Variants in RALGPS2 observed in about 807,000 individuals in gnomAD.
RALGPS2 encodes ras-specific guanine nucleotide-releasing factor RalGPS2.
In RALGPS2, 43 loss-of-function variants were observed where a neutral mutation model predicts 86.8. The ratio of observed to expected loss-of-function variants is 0.50; its 90% CI spans 0.39 to 0.64. The LOEUF is 0.64. Ranked by LOEUF, RALGPS2 falls within the 30% of genes least tolerant of loss-of-function variation. RALGPS2 has a pLI of 0.00. For missense variants in RALGPS2, 536 were observed against 694.6 expected, an observed-to-expected ratio of 0.77 and a Z score of 2.57; for synonymous variants, 243 against 231.3, an observed-to-expected ratio of 1.05 and a Z score of -0.46.
chr1:178,729,086 G>A (rs1650193138), intron 1 of RALGPS2, among the ~76,000 whole-genome samples: 2 of 152,238 alleles, frequency 1.3e-5, no homozygotes, highest in South Asian at 2.1e-4. Flanking sequence ...GCTTTGGAGT[G>A]TGAAAGACTT....
intron 8 of RALGPS2, among the ~76,000 whole-genome samples, chr1:178,837,960 A>AGGCGGCAGCGAGGCTGGGGAAGG (rs542590136): frequency 5.3e-4 from 80 of 152,280 alleles, no homozygotes; most frequent in African/African-American, 1.8e-3. Flanking sequence ...TCGAATTGCA[A>AGGCGGCAGCGAGGCTGGGGAAGG]GGCGGCAGCG....
intron 6 of RALGPS2, 25 bp from the exon 7 acceptor site, chr1:178,821,587 C>A: frequency 6.4e-7 from 1 of 1,569,484 alleles, no homozygotes. Flanking sequence ...TCATCCCTCT[C>A]CCCCATTTTT....
chr1:178,865,763 G>T (rs1167939724), intron 8 of RALGPS2: 1 of 1,582,116 alleles, frequency 6.3e-7, no homozygotes. Flanking sequence ...TAGGGTCCAG[G>T]TAAAAGTCTT....
Position 178,878,901 on chromosome 1 carries a change from G to A in RALGPS2, c.746-1G>A. 6.2e-7 allele frequency: 1 copy of A among 1,611,726 alleles called. No individual in the cohort carries two copies. The highest frequency in any genetic ancestry group is 8.5e-7 in the Non-Finnish European group (1 of 1,179,118). On this transcript the variant is annotated splice_acceptor_variant, in intron 9 of 19. Coordinates refer to ENST00000367635, the MANE Select transcript of RALGPS2 (RefSeq NM_152663.5). LOFTEE classifies it high-confidence loss of function. ...ATAATTATTTATCACCTTTTGCCTA[G>A]ATATTCCCATGTTGCCTCATGTCCA...
chr1:178,861,959 G>A (rs1452546347), intron 8 of RALGPS2, among the ~76,000 whole-genome samples: 2 of 151,760 alleles, frequency 1.3e-5, no homozygotes, highest in South Asian at 2.1e-4. Flanking sequence ...TGCAACCTCC[G>A]CCCCCCAGGT....
intron 5 of RALGPS2, among the ~76,000 whole-genome samples, chr1:178,809,545 A>G (rs887514099): frequency 6.6e-6 from 1 of 152,156 alleles, no homozygotes; most frequent in African/African-American, 2.4e-5. Context: ...ACAGTTTGTT[A>G]TATGTAACCC....
intron 4 of RALGPS2, among the ~76,000 whole-genome samples, chr1:178,807,001 C>T (rs935130847): frequency 6.6e-6 from 1 of 152,198 alleles, no homozygotes; most frequent in Non-Finnish European, 1.5e-5. Context: ...ACATGTGCTT[C>T]TTTGCCCTTA....
chr1:178,871,601 T>C (rs1658763833), intron 8 of RALGPS2, among the ~76,000 whole-genome samples: 1 of 152,218 alleles, frequency 6.6e-6, no homozygotes, highest in African/African-American at 2.4e-5. Flanking sequence ...GTGTAATGTG[T>C]CTTAAGATAA....
Position 178,757,057 on chromosome 1 carries a change from G to A in RALGPS2, c.-83-19625G>A, listed in dbSNP as rs148719109. On this transcript the variant is annotated intron_variant, in intron 1 of 19. Coordinates refer to ENST00000367635, the MANE Select transcript of RALGPS2 (RefSeq NM_152663.5). ...ATGTATTCCTAGGTATTTTGTTGTT[G>A]TTGATTCTATTGTAAATGGAATTGT... Among the ~76,000 whole-genome samples the A allele has an allele frequency of 5.9e-5, 9 of 152,116 alleles. No individual in the cohort carries two copies. In the East Asian group the frequency reaches 7.7e-4, roughly 13 times the overall value.
At chr1:178,865,775 A>G (rs779478305) in intron 8 of RALGPS2, 10 of 1,572,244 alleles carry the variant, frequency 6.4e-6, no homozygotes, top group Admixed American at 1.9e-5. Flanking sequence ...AAAAGTCTTC[A>G]TTTTGAAATG....
intron 8 of RALGPS2, chr1:178,851,359 A>G: frequency 6.4e-7 from 1 of 1,564,028 alleles, no homozygotes. Flanking sequence ...AGTTTCTTCT[A>G]GGTGTGGTAC....
At chr1:178,916,273 A>G in intron 19 of RALGPS2, 57 bp from the exon 20 acceptor site, 1 of 1,394,950 alleles carries the variant, frequency 7.2e-7, no homozygotes, top group Admixed American at 1.8e-5. Flanking sequence ...GAAAGATAAG[A>G]AATACTCCTT....
At chr1:178,858,272 C>T (rs1657728328) in intron 8 of RALGPS2, among the ~76,000 whole-genome samples, 1 of 152,058 alleles carries the variant, frequency 6.6e-6, no homozygotes, top group Non-Finnish European at 1.5e-5. Context: ...ACTTGAAAAT[C>T]TTATTTACTT....
At chr1:178,835,263 C>A (rs1168751617) in intron 8 of RALGPS2, among the ~76,000 whole-genome samples, 1 of 152,136 alleles carries the variant, frequency 6.6e-6, no homozygotes, top group Admixed American at 6.5e-5. Context: ...ACTCTACAGT[C>A]CTTATTTTTC....
In RALGPS2 at chr1:178,758,332, C is replaced by T. The variant is rs538307260; in HGVS notation, c.-83-18350C>T. Among the ~76,000 whole-genome samples, 107 of 152,036 alleles carry T rather than the reference C, an allele frequency of 7.0e-4. 1 individual carries two copies. Among genetic ancestry groups the T allele is most frequent in the African/African-American group, 2.5e-3 (104 of 41,476 alleles). ...GATACTTTGATAGAGGCATACAGTG[C>T]GTAATAATCATCTCGTGGTAAATGG... On this transcript the variant is annotated intron_variant, in intron 1 of 19. Transcript: ENST00000367635.
chr1:178,725,972 G>C (rs1434801014), intron 1 of RALGPS2: 1 of 152,030 alleles, frequency 6.6e-6, no homozygotes, highest in East Asian at 1.9e-4. Context: ...GCGGCCCGCA[G>C]CCCGAGCGGC....
Position 178,841,202 on chromosome 1 carries a change from G to C in RALGPS2, c.607+7652G>C, listed in dbSNP as rs559214486. 1.9e-3 allele frequency among the ~76,000 whole-genome samples: 289 copies of C among 151,986 alleles called. 2 individuals carry two copies. Among genetic ancestry groups the C allele is most frequent in the African/African-American group, 6.9e-3 (286 of 41,470 alleles). Reference sequence around the variant, plus strand: ...GCCTGGCAGAGACACAACAAAAAAAGAGAATTTTAGACCAATATCCTTGAT... The same window carrying C: ...GCCTGGCAGAGACACAACAAAAAAACAGAATTTTAGACCAATATCCTTGAT... On this transcript the variant is annotated intron_variant, in intron 8 of 19. Coordinates refer to ENST00000367635, the MANE Select transcript of RALGPS2 (RefSeq NM_152663.5).
chr1:178,761,131 T>G (rs866021699), intron 1 of RALGPS2, among the ~76,000 whole-genome samples: 1 of 152,026 alleles, frequency 6.6e-6, no homozygotes, highest in Non-Finnish European at 1.5e-5. Context: ...TGTGCCACCA[T>G]GCCTGGCTAA....
At chr1:178,757,113 ATTG>A (rs1651996942) in intron 1 of RALGPS2, among the ~76,000 whole-genome samples, 1 of 152,008 alleles carries the variant, frequency 6.6e-6, no homozygotes, top group African/African-American at 2.4e-5. Context: ...CTTGAACGTT[ATTG>A]TTGTATGGAA....
Sources: gnomAD v4.1 joint callset for allele counts (sites outside exome capture counted in the v4.1 genomes callset) on GRCh38, gnomAD v4.1.1 for gene constraint, MANE v1.5 for transcripts, NCBI Gene and HGNC (gene_info 2026-07-23, HGNC 2026-07-21) for gene names.